Variants in IQSEC1 observed in about 807,000 individuals in gnomAD.
IQSEC1 encodes the protein IQ motif and SEC7 domain-containing protein 1.
A neutral mutation model predicts 91.0 loss-of-function variants in IQSEC1; 31 were observed. The ratio of observed to expected loss-of-function variants is 0.34; its 90% CI spans 0.26 to 0.46. The LOEUF (loss-of-function observed/expected upper bound fraction) is 0.46, where lower values mean the gene tolerates loss of function less well. Ranked by LOEUF, IQSEC1 falls within the 20% of genes least tolerant of loss-of-function variation. The pLI is 1.00. For synonymous variants in IQSEC1, 699 were observed against 662.6 expected (o/e 1.05, Z -0.84); for missense variants, 1,388 against 1,575.6 (o/e 0.88, Z 2.02).
At chr3:12,941,266 T>C (rs934724581) in intron 2 of IQSEC1, among the ~76,000 whole-genome samples, 1 of 152,168 alleles carries the variant, frequency 6.6e-6, no homozygotes, top group Non-Finnish European at 1.5e-5. Context: ...ATCTGGGCCA[T>C]GCGGGTCATG....
chr3:13,027,565 T>C (rs1308197021), intron 1 of IQSEC1, among the ~76,000 whole-genome samples: 1 of 152,176 alleles, frequency 6.6e-6, no homozygotes, highest in African/African-American at 2.4e-5. Flanking sequence ...TCTAGAGACA[T>C]TCTCAAAGTG....
At chr3:13,181,455 A>G (rs887511250) in intron 1 of IQSEC1, among the ~76,000 whole-genome samples, 1 of 152,266 alleles carries the variant, frequency 6.6e-6, no homozygotes, top group Non-Finnish European at 1.5e-5. Flanking sequence ...ACCTACAGAC[A>G]TATACAGAAT....
chr3:13,069,908 C>T (rs890071072), intron 1 of IQSEC1, among the ~76,000 whole-genome samples: 8 of 152,216 alleles, frequency 5.3e-5, no homozygotes, highest in African/African-American at 1.9e-4. Flanking sequence ...CCTGATGTTC[C>T]CCCATTGGGT....
At chr3:12,911,600 T>C in intron 10 of IQSEC1, 29 bp downstream of exon 10, 3 of 1,537,762 alleles carry the variant, frequency 2.0e-6, no homozygotes, top group Non-Finnish European at 2.7e-6. Flanking sequence ...ACATGCGCTC[T>C]TCCAGGCAGG....
intron 1 of IQSEC1, among the ~76,000 whole-genome samples, chr3:13,029,071 T>C (rs1368201151): frequency 5.9e-5 from 9 of 152,236 alleles, no homozygotes. Context: ...GTGACTGTAC[T>C]GTGTAAAGCT....
Position 13,073,011 on chromosome 3 carries a change from C to A in IQSEC1, c.4G>T (p.Ala2Ser). M[A>S]CRRRYFVEGE... ...ACTCACAAATAGCGTCTTCTGCAAGCCATCCTGTGTGAATCCGTTCTTCCC... is the reference window on the plus strand; with the variant it reads ...ACTCACAAATAGCGTCTTCTGCAAGACATCCTGTGTGAATCCGTTCTTCCC... The change falls in exon 1 of 14, where the codon GCT becomes TCT. Residue 2 changes from alanine to serine, a missense_variant. Around this residue, in one of 2 missense-constraint regions of IQSEC1, gnomAD observed 1,059 missense variants for 1,317.8 expected, o/e 0.80. Transcript: ENST00000613206. 1 of 1,551,762 alleles carries A rather than the reference C, an allele frequency of 6.4e-7. No homozygotes were observed. The highest frequency in any genetic ancestry group is 8.7e-7 in the Non-Finnish European group (1 of 1,147,000).
At chr3:13,096,511 G>A (rs1705965363) in intron 2 of IQSEC1, among the ~76,000 whole-genome samples, 2 of 152,230 alleles carry the variant, frequency 1.3e-5, no homozygotes, top group Non-Finnish European at 1.5e-5. Flanking sequence ...AGGGCAAGAC[G>A]CTGACTTAGC....
At chr3:13,232,638 G>A (rs1002904291) in intron 1 of IQSEC1, among the ~76,000 whole-genome samples, 6 of 152,164 alleles carry the variant, frequency 3.9e-5, no homozygotes, top group Non-Finnish European at 7.4e-5. Context: ...CTGGAGTCAG[G>A]GGCGCAGGAG....
At chr3:13,158,764 T>C (rs530919987) in intron 2 of IQSEC1, among the ~76,000 whole-genome samples, 3 of 152,146 alleles carry the variant, frequency 2.0e-5, no homozygotes, top group Admixed American at 2.0e-4. Context: ...GAGTTCAAGT[T>C]CAGCCTGGGC....
At chr3:12,990,145 G>T (rs1049601200) in intron 1 of IQSEC1, among the ~76,000 whole-genome samples, 1 of 152,220 alleles carries the variant, frequency 6.6e-6, no homozygotes, top group Non-Finnish European at 1.5e-5. Context: ...TTACAAACCT[G>T]TGTTACTATC....
intron 2 of IQSEC1, among the ~76,000 whole-genome samples, chr3:13,121,445 T>A (rs928746066): frequency 6.6e-6 from 1 of 151,972 alleles, no homozygotes; most frequent in African/African-American, 2.4e-5. Context: ...TCGGTGGTTA[T>A]CTGCTGAGTG....
intron 12 of IQSEC1, among the ~76,000 whole-genome samples, chr3:12,904,274 A>G (rs185274409): frequency 3.9e-5 from 6 of 152,248 alleles, no homozygotes; most frequent in African/African-American, 1.2e-4. Flanking sequence ...CCCAAACCAG[A>G]GGTCCAGGTG....
intron 1 of IQSEC1, among the ~76,000 whole-genome samples, chr3:13,242,028 T>A (rs1309302020): frequency 6.6e-6 from 1 of 151,228 alleles, no homozygotes; most frequent in African/African-American, 2.4e-5. Flanking sequence ...CATACACACA[T>A]GTGTGTATGT....
At chr3:12,910,488 C>T (rs1695456772) in intron 10 of IQSEC1, among the ~76,000 whole-genome samples, 1 of 152,252 alleles carries the variant, frequency 6.6e-6, no homozygotes, top group Non-Finnish European at 1.5e-5. Context: ...GAGCAGGCTA[C>T]TGCTGGTCAG....
chr3:13,129,670 T>G (rs566984345), intron 2 of IQSEC1, among the ~76,000 whole-genome samples: 4 of 150,212 alleles, frequency 2.7e-5, no homozygotes, highest in Non-Finnish European at 5.9e-5. Context: ...TTTTTTTTTT[T>G]TTTTTGAGAC....
chr3:13,023,173 G>T (rs915821688), intron 1 of IQSEC1, among the ~76,000 whole-genome samples: 1 of 152,212 alleles, frequency 6.6e-6, no homozygotes, highest in Non-Finnish European at 1.5e-5. Flanking sequence ...CAGGGTGTAA[G>T]CTGGCTCCTC....
intron 1 of IQSEC1, among the ~76,000 whole-genome samples, chr3:12,996,648 CAG>C (rs1702237707): frequency 6.6e-6 from 1 of 152,010 alleles, no homozygotes; most frequent in Non-Finnish European, 1.5e-5. Flanking sequence ...GCACATATGA[CAG>C]AATTTAATTG....
chr3:12,939,486 T>C (rs1698552036), intron 2 of IQSEC1, among the ~76,000 whole-genome samples: 1 of 152,220 alleles, frequency 6.6e-6, no homozygotes, highest in South Asian at 2.1e-4. Flanking sequence ...TAAAATGGAC[T>C]CTGTGTTATC....
At chr3:13,064,198 C>T (rs947943361) in intron 1 of IQSEC1, among the ~76,000 whole-genome samples, 2 of 152,250 alleles carry the variant, frequency 1.3e-5, no homozygotes, top group African/African-American at 4.8e-5. Context: ...GAACTAAACA[C>T]ACGCATGCAC....
Sources: gnomAD v4.1 joint callset for allele counts (sites outside exome capture counted in the v4.1 genomes callset) on GRCh38, gnomAD v4.1.1 for gene constraint, gnomAD v4.1.1 regional missense constraint, MANE v1.5 for transcripts, NCBI Gene and HGNC (gene_info 2026-07-23, HGNC 2026-07-21) for gene names.